The following MAD1L1 variants were observed in gnomAD, a reference collection of about 807,000 sequenced individuals.
MAD1L1 encodes the protein mitotic spindle assembly checkpoint protein MAD1.
MAD1L1 carries 95 observed loss-of-function variants against 96.9 expected under a neutral mutation model. The observed-to-expected ratio is 0.98, with a 90% CI of 0.83 to 1.16. The LOEUF (loss-of-function observed/expected upper bound fraction) is 1.16, where lower values mean the gene tolerates loss of function less well. MAD1L1 is among the 50% of genes most tolerant of loss of function. The pLI is 0.00. For missense variants in MAD1L1, 1,007 were observed against 954.4 expected, an observed-to-expected ratio of 1.06 and a Z score of -0.73; for synonymous variants, 473 against 396.6, an observed-to-expected ratio of 1.19 and a Z score of -2.29.
chr7:1,999,926 G>A (rs1014847863), intron 14 of MAD1L1, among the ~76,000 whole-genome samples: 2 of 152,160 alleles, frequency 1.3e-5, no homozygotes, highest in Admixed American at 6.5e-5. Context: ...CCTCCACGGA[G>A]TACCCCAACT....
At chr7:2,069,146 A>G (rs768511246) in intron 12 of MAD1L1, 48 bp downstream of exon 12, 2 of 1,520,092 alleles carry the variant, frequency 1.3e-6, no homozygotes, top group Admixed American at 2.0e-5. Context: ...GTGTGCACTG[A>G]CCCGCAGCTC....
At chr7:1,855,826 G>A (rs913104848) in intron 18 of MAD1L1, among the ~76,000 whole-genome samples, 1 of 152,030 alleles carries the variant, frequency 6.6e-6, no homozygotes, top group African/African-American at 2.4e-5. Context: ...GGCTTTCGGG[G>A]TCTGTTACAG....
chr7:2,092,509 C>T (rs1273354422), intron 11 of MAD1L1, among the ~76,000 whole-genome samples: 2 of 152,154 alleles, frequency 1.3e-5, no homozygotes, highest in African/African-American at 2.4e-5. Flanking sequence ...CTCCCTCACA[C>T]ACCTGCCCTC....
chr7:2,060,090 C>T (rs1018663157), intron 12 of MAD1L1, among the ~76,000 whole-genome samples: 20 of 151,402 alleles, frequency 1.3e-4, no homozygotes, highest in African/African-American at 4.6e-4. Flanking sequence ...TGCCAAGATA[C>T]GCTGATGCCG....
intron 18 of MAD1L1, among the ~76,000 whole-genome samples, chr7:1,869,822 T>C (rs1784956554): frequency 6.6e-6 from 1 of 152,128 alleles, no homozygotes; most frequent in Non-Finnish European, 1.5e-5. Context: ...ACACCTAGAC[T>C]GGGCTCCCGC....
chr7:2,180,171 C>A (rs1388740911), intron 10 of MAD1L1, among the ~76,000 whole-genome samples: 1 of 152,148 alleles, frequency 6.6e-6, no homozygotes, highest in African/African-American at 2.4e-5. Context: ...TCCATGGGGA[C>A]TGAGATTCTA....
intron 12 of MAD1L1, among the ~76,000 whole-genome samples, chr7:2,055,697 G>A (rs1277654682): frequency 2.7e-5 from 4 of 149,010 alleles, no homozygotes; most frequent in Non-Finnish European, 5.9e-5. Flanking sequence ...AAAAATCTAG[G>A]ACCAGGCACA....
chr7:2,064,361 G>A (rs1187761405), intron 12 of MAD1L1, among the ~76,000 whole-genome samples: 1 of 152,134 alleles, frequency 6.6e-6, no homozygotes, highest in Non-Finnish European at 1.5e-5. Flanking sequence ...AACGCGCAGG[G>A]GTCCCTGAGC....
At chr7:2,045,258 C>T (rs1783870495) in intron 12 of MAD1L1, among the ~76,000 whole-genome samples, 1 of 152,124 alleles carries the variant, frequency 6.6e-6, no homozygotes, top group Non-Finnish European at 1.5e-5. Flanking sequence ...TGAGAGCCCC[C>T]GTATCCCTGT....
At chr7:1,853,257 T>C (rs1345329959) in intron 18 of MAD1L1, among the ~76,000 whole-genome samples, 1 of 152,198 alleles carries the variant, frequency 6.6e-6, no homozygotes, top group African/African-American at 2.4e-5. Flanking sequence ...CTCACGGGAC[T>C]GCCCTCTGTG....
intron 18 of MAD1L1, among the ~76,000 whole-genome samples, chr7:1,866,624 G>A (rs542572188): frequency 6.6e-6 from 1 of 152,350 alleles, no homozygotes; most frequent in Non-Finnish European, 1.5e-5. Context: ...CGGACAGGCA[G>A]GCAACGCAGA....
chr7:1,918,674 T>G (rs1029078762), intron 17 of MAD1L1, among the ~76,000 whole-genome samples: 1 of 152,234 alleles, frequency 6.6e-6, no homozygotes, highest in Admixed American at 6.5e-5. Context: ...CTGGCCTTTA[T>G]TACCCAACAC....
intron 11 of MAD1L1, among the ~76,000 whole-genome samples, chr7:2,094,325 C>G (rs752909452): frequency 6.6e-6 from 1 of 152,222 alleles, no homozygotes; most frequent in Non-Finnish European, 1.5e-5. Flanking sequence ...GGGAACGGGA[C>G]ACGCACTCAC....
chr7:2,006,235 C>A (rs1418495765), intron 13 of MAD1L1, among the ~76,000 whole-genome samples: 2 of 152,040 alleles, frequency 1.3e-5, no homozygotes, highest in African/African-American at 4.8e-5. Flanking sequence ...CTGCTGTCTG[C>A]AGCTCCAACA....
rs1782708838 is a variant in MAD1L1, at chr7:2,019,875, T to C, written c.1219-5233A>G. 2.6e-5 allele frequency among the ~76,000 whole-genome samples: 4 copies of C among 151,526 alleles called. No individual in the cohort carries two copies. In the South Asian group the frequency reaches 6.3e-4, roughly 24 times the overall value. ...GCCTCCTGTCTGTCCCTCGCTTCTCTTTCCTGGGCCTGCTGCCCCTAAACG... is the reference window on the plus strand; with the variant it reads ...GCCTCCTGTCTGTCCCTCGCTTCTCCTTCCTGGGCCTGCTGCCCCTAAACG... On this transcript the variant is annotated intron_variant, in intron 12 of 18. Coordinates refer to ENST00000265854, the MANE Select transcript of MAD1L1 (RefSeq NM_001013836.2).
rs758396535 is a variant in MAD1L1 at position 1,816,054 on chromosome 7, C to T, written c.*16G>A. On this transcript the variant is annotated 3_prime_UTR_variant, in exon 19 of 19. Transcript: ENST00000265854. ...GCCAAGCAGAGTGGCTCCGGCTATG[C>T]CCCCGAGCCTGCAGGCTACGCCACG... The T allele has an allele frequency of 1.3e-6, 2 of 1,597,810 alleles. No homozygotes were observed. The highest frequency in any genetic ancestry group is 1.3e-5 in the African/African-American group (1 of 74,698).
At chr7:2,058,724 G>C in intron 12 of MAD1L1, among the ~76,000 whole-genome samples, 1 of 125,874 alleles carries the variant, frequency 7.9e-6, no homozygotes, top group African/African-American at 3.1e-5. Context: ...GAGAGGCGCA[G>C]GGCTGGAGAG....
chr7:2,042,109 A>G (rs986712667), intron 12 of MAD1L1, among the ~76,000 whole-genome samples: 4 of 151,848 alleles, frequency 2.6e-5, no homozygotes, highest in African/African-American at 4.8e-5. Context: ...GCACATGTGC[A>G]CACACACACG....
At chr7:2,013,611 G>A (rs920289021) in intron 13 of MAD1L1, among the ~76,000 whole-genome samples, 8 of 152,280 alleles carry the variant, frequency 5.3e-5, no homozygotes, top group African/African-American at 1.7e-4. Flanking sequence ...GAGCAGAATG[G>A]TAAGGCACCC....
Sources: gnomAD v4.1 joint callset for allele counts (sites outside exome capture counted in the v4.1 genomes callset) on GRCh38, gnomAD v4.1.1 for gene constraint, MANE v1.5 for transcripts, NCBI Gene and HGNC (gene_info 2026-07-23, HGNC 2026-07-21) for gene names.